The following FGF12 variants were observed in gnomAD, a reference collection of about 807,000 sequenced individuals.
The protein encoded by FGF12 is fibroblast growth factor 12, also known as fibroblast growth factor 12B.
A neutral mutation model predicts 23.6 loss-of-function variants in FGF12; 14 were observed. The observed-to-expected ratio is 0.59, with a 90% confidence interval of 0.39 to 0.93. The LOEUF (loss-of-function observed/expected upper bound fraction) is 0.93, where lower values mean the gene tolerates loss of function less well. Among genes scored for constraint, FGF12 ranks in the 40% least tolerant of loss-of-function variants. The pLI, the probability that FGF12 is intolerant of heterozygous loss-of-function variation, is 0.00. For missense variants in FGF12, 175 were observed against 217.8 expected (o/e 0.80, Z 1.24); for synonymous variants, 62 against 77.3 (o/e 0.80, Z 1.04).
At chr3:192,315,652 T>C (rs1342544704) in intron 4 of FGF12, among the ~76,000 whole-genome samples, 3 of 152,142 alleles carry the variant, frequency 2.0e-5, no homozygotes, top group Admixed American at 6.6e-5. Context: ...CAATAAACAT[T>C]CAAATATGAA....
intron 2 of FGF12, among the ~76,000 whole-genome samples, chr3:192,724,067 AGAAG>A (rs1553849518): frequency 1.4e-5 from 2 of 146,290 alleles, no homozygotes; most frequent in Non-Finnish European, 3.0e-5. Flanking sequence ...GAAGAGGGAA[AGAAG>A]GAAGGAAGAA....
intron 2 of FGF12, among the ~76,000 whole-genome samples, chr3:192,451,433 C>T (rs913912893): frequency 1.3e-5 from 2 of 152,182 alleles, no homozygotes; most frequent in Non-Finnish European, 2.9e-5. Flanking sequence ...AAAAGGCTTG[C>T]TATGGCCAAA....
At chr3:192,175,448 G>T (rs1049407431) in intron 4 of FGF12, among the ~76,000 whole-genome samples, 1 of 152,146 alleles carries the variant, frequency 6.6e-6, no homozygotes, top group Non-Finnish European at 1.5e-5. Flanking sequence ...CATGTGTGTA[G>T]ATATGTGAAA....
chr3:192,624,058 C>T (rs1715069074), intron 2 of FGF12, among the ~76,000 whole-genome samples: 1 of 152,112 alleles, frequency 6.6e-6, no homozygotes, highest in African/African-American at 2.4e-5. Context: ...CATTATGAGG[C>T]TCCGTGGTTT....
chr3:192,684,740 C>T (rs895917662), intron 2 of FGF12, among the ~76,000 whole-genome samples: 1 of 152,184 alleles, frequency 6.6e-6, no homozygotes, highest in Non-Finnish European at 1.5e-5. Flanking sequence ...TTTTAGTTGT[C>T]ATGACTTATA....
chr3:192,535,265 A>G (rs1008568082), intron 2 of FGF12, among the ~76,000 whole-genome samples: 1 of 152,210 alleles, frequency 6.6e-6, no homozygotes, highest in Non-Finnish European at 1.5e-5. Context: ...ACTGTATAAC[A>G]TCTTTTTAGC....
Position 192,409,106 on chromosome 3 carries a change from T to A in FGF12, c.14-48568A>T. 2.5e-6 allele frequency: 1 copy of A among 394,460 alleles called. No homozygotes were observed. Among genetic ancestry groups the A allele is most frequent in the Non-Finnish European group, 3.4e-6 (1 of 290,046 alleles). 24.4% of individuals were successfully genotyped at this position (394,460 alleles called of 1,614,324 possible). On this transcript the variant is annotated intron_variant, in intron 2 of 5. Transcript: ENST00000445105. This position sits in a 1 kb window ranked among gnomAD's most constrained non-coding sequence, Gnocchi z 4.8. Reference sequence around the variant, plus strand: ...GGGCGCGAGGGAGGGAGGGAGATCCTCGAGGGCCAAGCACCCCTCGGGGAG... The same window carrying A: ...GGGCGCGAGGGAGGGAGGGAGATCCACGAGGGCCAAGCACCCCTCGGGGAG...
chr3:192,532,196 T>G (rs767794164), intron 2 of FGF12, among the ~76,000 whole-genome samples: 1 of 152,122 alleles, frequency 6.6e-6, no homozygotes, highest in Admixed American at 6.6e-5. Context: ...TGCCTCCAGA[T>G]TTGTTGTTTT....
chr3:192,519,823 A>C (rs996999226), intron 2 of FGF12, among the ~76,000 whole-genome samples: 2 of 152,224 alleles, frequency 1.3e-5, no homozygotes, highest in African/African-American at 4.8e-5. Flanking sequence ...TATTCTAAGG[A>C]TTATAATCCA....
At chr3:192,230,166 A>G (rs1323837713) in intron 4 of FGF12, among the ~76,000 whole-genome samples, 4 of 152,122 alleles carry the variant, frequency 2.6e-5, no homozygotes, top group African/African-American at 9.6e-5. Flanking sequence ...ATTCACATGT[A>G]AGTTGGATGG....
chr3:192,439,900 C>T (rs1043588822), intron 2 of FGF12, among the ~76,000 whole-genome samples: 2 of 150,574 alleles, frequency 1.3e-5, no homozygotes, highest in South Asian at 2.1e-4. Flanking sequence ...TGCTTGAACC[C>T]GGGAGGCAGA....
At chr3:192,357,867 T>TC (rs888415322) in intron 3 of FGF12, among the ~76,000 whole-genome samples, 4 of 152,182 alleles carry the variant, frequency 2.6e-5, no homozygotes, top group African/African-American at 9.7e-5. Flanking sequence ...GAAGGCATCT[T>TC]CAACACCTAT....
chr3:192,177,765 C>CA (rs1428336774), intron 4 of FGF12, among the ~76,000 whole-genome samples: 1 of 152,200 alleles, frequency 6.6e-6, no homozygotes, highest in Non-Finnish European at 1.5e-5. Context: ...TCTTCAGTAA[C>CA]ATATTAACAT....
intron 4 of FGF12, among the ~76,000 whole-genome samples, chr3:192,256,730 G>C (rs1712421334): frequency 6.6e-6 from 1 of 152,080 alleles, no homozygotes; most frequent in Admixed American, 6.6e-5. Flanking sequence ...AGTCTTATTG[G>C]AGAATAATTT....
At chr3:192,251,678 T>C (rs1036666982) in intron 4 of FGF12, among the ~76,000 whole-genome samples, 1 of 151,864 alleles carries the variant, frequency 6.6e-6, no homozygotes, top group East Asian at 1.9e-4. Context: ...TGAACGAAGA[T>C]GTACAAAACA....
intron 2 of FGF12, among the ~76,000 whole-genome samples, chr3:192,490,379 C>T (rs1723763546): frequency 6.6e-6 from 1 of 151,708 alleles, no homozygotes. Context: ...TAAGTCTACC[C>T]CTAGTAATGT....
intron 2 of FGF12, among the ~76,000 whole-genome samples, chr3:192,659,868 G>A (rs1482619614): frequency 6.6e-6 from 1 of 152,040 alleles, no homozygotes; most frequent in Non-Finnish European, 1.5e-5. Context: ...TCTCATTGTG[G>A]TTTTGATTTG....
intron 2 of FGF12, among the ~76,000 whole-genome samples, chr3:192,446,300 T>A (rs1299579370): frequency 6.6e-6 from 1 of 152,220 alleles, no homozygotes; most frequent in Non-Finnish European, 1.5e-5. Context: ...ATTGGTATTC[T>A]CTCAACAAAA....
intron 4 of FGF12, among the ~76,000 whole-genome samples, chr3:192,273,724 A>G (rs1713596358): frequency 6.6e-6 from 1 of 152,258 alleles, no homozygotes; most frequent in East Asian, 1.9e-4. Flanking sequence ...ATTTACTTCC[A>G]CTCCCATAAA....
Sources: allele counts gnomAD v4.1 joint callset (sites outside exome capture counted in the v4.1 genomes callset), GRCh38; gene constraint gnomAD v4.1.1; non-coding constraint Gnocchi (gnomAD v3.1); transcripts MANE v1.5; gene names NCBI Gene and HGNC (gene_info 2026-07-23, HGNC 2026-07-21).